VEGFC: variants seen among roughly 807,000 people sequenced by gnomAD.
The protein encoded by VEGFC is FLT4 ligand DHM.
A neutral mutation model predicts 46.1 loss-of-function variants in VEGFC; 12 were observed. The observed-to-expected ratio is 0.26, with a 90% CI of 0.17 to 0.42. The LOEUF is 0.42. Among genes scored for constraint, VEGFC ranks in the 10% least tolerant of loss-of-function variants. VEGFC has a pLI of 1.00. For synonymous variants in VEGFC, 232 were observed against 195.5 expected, an observed-to-expected ratio of 1.19 and a Z score of -1.56; for missense variants, 488 against 529.4, an observed-to-expected ratio of 0.92 and a Z score of 0.77.
At chr4:176,714,719 A>G (rs1387858089) in intron 3 of VEGFC, among the ~76,000 whole-genome samples, 2 of 152,170 alleles carry the variant, frequency 1.3e-5, no homozygotes, top group Non-Finnish European at 2.9e-5. Flanking sequence ...TCCAAATGGT[A>G]GACAGATTGC....
chr4:176,713,114 G>A (rs1370715442), intron 3 of VEGFC, among the ~76,000 whole-genome samples: 2 of 152,150 alleles, frequency 1.3e-5, no homozygotes, highest in Non-Finnish European at 2.9e-5. Context: ...TTGCTATACA[G>A]ATCTAAGTTA....
At chr4:176,710,139 T>C (rs140786817) in intron 4 of VEGFC, among the ~76,000 whole-genome samples, 39 of 152,260 alleles carry the variant, frequency 2.6e-4, no homozygotes, top group Non-Finnish European at 4.7e-4. Flanking sequence ...AGCAAAGCAA[T>C]AGAAGATAGA....
chr4:176,749,675 A>C (rs929021625), intron 1 of VEGFC, among the ~76,000 whole-genome samples: 1 of 151,890 alleles, frequency 6.6e-6, no homozygotes, highest in Non-Finnish European at 1.5e-5. Flanking sequence ...AACATAAAAA[A>C]TAAAATCTTA....
At chr4:176,745,884 T>C (rs958225641) in intron 1 of VEGFC, among the ~76,000 whole-genome samples, 7 of 152,190 alleles carry the variant, frequency 4.6e-5, no homozygotes, top group Admixed American at 6.6e-5. Flanking sequence ...TTCTTTTCTA[T>C]TACTGAGAGG....
intron 1 of VEGFC, among the ~76,000 whole-genome samples, chr4:176,740,584 T>A (rs1735155803): frequency 6.8e-6 from 1 of 147,542 alleles, no homozygotes; most frequent in South Asian, 2.1e-4. Context: ...AGAGAATACA[T>A]ATAACTATAT....
chr4:176,727,768 C>A lies in VEGFC; in HGVS notation c.552+10G>T. 6.2e-7 allele frequency: 1 copy of A among 1,606,832 alleles called. No individual in the cohort carries two copies. Among genetic ancestry groups the A allele is most frequent in the South Asian group, 1.1e-5 (1 of 89,660 alleles). ...GGCTCTCGCAGGTAGCAGGAATGGG[C>A]AATACCCACCGTCTTGCTGAGGTAG... is the stretch of plus-strand genomic sequence containing the variant. On this transcript the variant is annotated intron_variant, in intron 3 of 6. Transcript: ENST00000618562.
intron 4 of VEGFC, among the ~76,000 whole-genome samples, chr4:176,701,851 T>G (rs1313093520): frequency 6.6e-6 from 1 of 152,226 alleles, no homozygotes; most frequent in Non-Finnish European, 1.5e-5. Flanking sequence ...GATGATCTAG[T>G]ACGAGACTGT....
At chr4:176,735,153 A>C (rs1013265412) in intron 1 of VEGFC, among the ~76,000 whole-genome samples, 1 of 151,914 alleles carries the variant, frequency 6.6e-6, no homozygotes. Context: ...CTGTAAAATA[A>C]ATGATCCAAA....
At chr4:176,706,625 CAAAAAAAAAA>C (rs55996370) in intron 4 of VEGFC, among the ~76,000 whole-genome samples, 5 of 63,448 alleles carry the variant, frequency 7.9e-5, no homozygotes, top group East Asian at 5.0e-4. Context: ...GAATCTGTCT[CAAAAAAAAAA>C]AAAAAAAAAA....
intron 1 of VEGFC, among the ~76,000 whole-genome samples, chr4:176,755,485 G>T (rs191924168): frequency 6.6e-6 from 1 of 151,854 alleles, no homozygotes; most frequent in African/African-American, 2.4e-5. Flanking sequence ...ACGATAGCTC[G>T]CTTGATAACA....
chr4:176,711,909 T>C (rs928624176), intron 3 of VEGFC, among the ~76,000 whole-genome samples: 4 of 152,166 alleles, frequency 2.6e-5, no homozygotes, highest in South Asian at 4.1e-4. Context: ...GATAACCAAC[T>C]AATTGGTTAT....
intron 1 of VEGFC, among the ~76,000 whole-genome samples, chr4:176,743,213 A>G (rs1176196481): frequency 2.0e-5 from 3 of 152,050 alleles, no homozygotes; most frequent in African/African-American, 7.2e-5. Flanking sequence ...GTGATAGGCC[A>G]TCTGCATTCA....
rs1047771596 is a variant in VEGFC, at chr4:176,747,303, C to T, written c.148-17557G>A. On this transcript the variant is annotated intron_variant, in intron 1 of 6. Coordinates refer to ENST00000618562, the MANE Select transcript of VEGFC (RefSeq NM_005429.5). The stretch of plus-strand genomic sequence containing the variant: ...AATAAACTAATTTGAGTTATTCATA[C>T]ATAAATGATGATCCCAATCTTATTT... Among the ~76,000 whole-genome samples, 3 of 151,960 alleles carry T rather than the reference C, an allele frequency of 2.0e-5. 1 individual carries two copies. Among genetic ancestry groups the T allele is most frequent in the East Asian group, 3.9e-4 (2 of 5,168 alleles).
rs143635855 is a variant in VEGFC, at chr4:176,751,970, G to GA, written c.148-22225dup. 6.8e-3 allele frequency among the ~76,000 whole-genome samples: 986 copies of GA among 143,956 alleles called. 6 individuals carry two copies. Among genetic ancestry groups the GA allele is most frequent in the African/African-American group, 0.02 (790 of 39,392 alleles). 94.4% of individuals were successfully genotyped at this position (143,956 alleles called of 152,430 possible). A position where few individuals can be genotyped will look rare whatever the true frequency, so the allele number is the denominator to read the frequency against. ...CTGTATATTTGGAATATGTCATAAA[G>GA]AAAAAAAAAATAAATGGATAAATTT... On this transcript the variant is annotated intron_variant, in intron 1 of 6. Transcript: ENST00000618562.
rs143898781 is a variant in VEGFC at position 176,752,960 on chromosome 4, T to G, written c.148-23214A>C. Among the ~76,000 whole-genome samples the G allele has an allele frequency of 8.8e-4, 134 of 152,140 alleles. 2 individuals carry two copies. The Middle Eastern group carries it at 0.02, about 23-fold the overall frequency. On this transcript the variant is annotated intron_variant, in intron 1 of 6. Coordinates refer to ENST00000618562, the MANE Select transcript of VEGFC (RefSeq NM_005429.5). The stretch of plus-strand genomic sequence containing the variant: ...TAGAATATGTTCAATAAATAATTGT[T>G]AGAATTTATTGATGGAGGGTAGAAA...
chr4:176,691,185 T>C (rs1262788601), intron 4 of VEGFC, among the ~76,000 whole-genome samples: 1 of 152,216 alleles, frequency 6.6e-6, no homozygotes, highest in African/African-American at 2.4e-5. Context: ...AATGTGGTCA[T>C]GATGGATAGA....
chr4:176,735,658 A>G lies in VEGFC; in HGVS notation c.148-5912T>C, dbSNP rs116874580. Among the ~76,000 whole-genome samples the G allele has an allele frequency of 1.4e-4, 21 of 151,994 alleles. No homozygotes were observed. The East Asian group carries it at 2.5e-3, about 18-fold the overall frequency. The stretch of plus-strand genomic sequence containing the variant: ...TGAAACACAAAATGTAAGAGGTTAC[A>G]TATGCAGGCTTCTGAACAGGGGCAA... On this transcript the variant is annotated intron_variant, in intron 1 of 6. Coordinates refer to ENST00000618562, the MANE Select transcript of VEGFC (RefSeq NM_005429.5).
intron 1 of VEGFC, among the ~76,000 whole-genome samples, chr4:176,732,961 A>T (rs1734992431): frequency 6.6e-6 from 1 of 151,946 alleles, no homozygotes; most frequent in African/African-American, 2.4e-5. Flanking sequence ...AACATGGACA[A>T]ATGATTTGAT....
At chr4:176,699,876 T>A (rs780741792) in intron 4 of VEGFC, among the ~76,000 whole-genome samples, 2 of 152,198 alleles carry the variant, frequency 1.3e-5, no homozygotes, top group Non-Finnish European at 1.5e-5. Flanking sequence ...CAAAAACACA[T>A]AGACTTATCT....
Sources: allele counts gnomAD v4.1 joint callset (sites outside exome capture counted in the v4.1 genomes callset), GRCh38; gene constraint gnomAD v4.1.1; transcripts MANE v1.5; gene names NCBI Gene and HGNC (gene_info 2026-07-23, HGNC 2026-07-21).